OGDHL: variants seen among roughly 807,000 people sequenced by gnomAD.
OGDHL encodes 2-oxoglutarate dehydrogenase-like, mitochondrial.
OGDHL carries 79 observed loss-of-function variants against 109.6 expected under a neutral mutation model. The ratio of observed to expected loss-of-function variants is 0.72; its 90% confidence interval spans 0.60 to 0.87. The LOEUF is 0.87. OGDHL is among the 40% of genes least tolerant of loss of function. The probability of loss-of-function intolerance (pLI) is 0.00; values close to 1 mark genes in which losing one functional copy is unlikely to be tolerated. For synonymous variants in OGDHL, 528 were observed against 537.2 expected, an observed-to-expected ratio of 0.98 and a Z score of 0.24; for missense variants, 1,275 against 1,362.2, an observed-to-expected ratio of 0.94 and a Z score of 1.01.
intron 3 of OGDHL, among the ~76,000 whole-genome samples, chr10:49,753,883 C>T (rs955500054): frequency 3.7e-5 from 5 of 134,392 alleles, no homozygotes; most frequent in Admixed American, 7.6e-5. Context: ...AGGAGAAACT[C>T]CATCTAAAAA....
At chr10:49,745,216 G>T in intron 12 of OGDHL, 128 bp downstream of exon 12, 1 of 1,237,462 alleles carries the variant, frequency 8.1e-7, no homozygotes, top group Non-Finnish European at 1.1e-6. Context: ...GCCTCTTGGG[G>T]ACAAGGACCA....
Position 49,751,946 on chromosome 10 carries a change from C to CATG in OGDHL, c.627_629dup (p.Phe209_Met210insIle), listed in dbSNP as rs879129077. 5.0e-6 allele frequency: 8 copies of CATG among 1,614,084 alleles called. No individual in the cohort carries two copies. The African/African-American group carries it at 1.1e-4, about 22-fold the overall frequency. On this transcript the variant is annotated inframe_insertion, in exon 6 of 23. Coordinates refer to ENST00000374103, the MANE Select transcript of OGDHL (RefSeq NM_018245.3). Reference sequence around the variant, plus strand: ...GGCACTGCTCCACATCGTTGATGAACATGAACTCCAGGCCAATGTGCTGGC... The same window carrying CATG: ...GGCACTGCTCCACATCGTTGATGAACATGATGAACTCCAGGCCAATGTGCTGGC...
Position 49,756,786 on chromosome 10 carries a change from C to G in OGDHL, c.365G>C (p.Arg122Pro), listed in dbSNP as rs997500943. 13 of 1,612,708 alleles carry G rather than the reference C, an allele frequency of 8.1e-6. No individual in the cohort carries two copies. The highest frequency in any genetic ancestry group is 6.7e-5 in the East Asian group (3 of 44,868). ...TCAGCTGCCCCTCACCTGGTAGGCC[C>G]GGATCAGGGACTGCACAGCCAGGTG... is the stretch of plus-strand genomic sequence containing the variant. ...EDHLAVQSLI[R>P]AYQIRGHHVA... Residue 122 changes from arginine (R) to proline (P), a missense_variant, in exon 3 of 23, where the codon CGG (arginine) becomes CCG (proline). Physicochemically the swap from Arg to Pro is moderately radical, Grantham distance 103. Transcript: ENST00000374103.
At chr10:49,748,540 T>C (rs1017271033) in intron 8 of OGDHL, among the ~76,000 whole-genome samples, 1 of 152,142 alleles carries the variant, frequency 6.6e-6, no homozygotes, top group Non-Finnish European at 1.5e-5. Flanking sequence ...TGAAAAAAAA[T>C]AGTAATTTCA....
Position 49,759,341 on chromosome 10 carries a change from C to A in OGDHL, c.-1-748G>T, listed in dbSNP as rs1018484855. ...GAAGGCAGCCCCAGGCCCAGCCCAGCGCCACTCAAGACAGCTAACAGTCCA... is the reference window on the plus strand; with the variant it reads ...GAAGGCAGCCCCAGGCCCAGCCCAGAGCCACTCAAGACAGCTAACAGTCCA... On this transcript the variant is annotated intron_variant, in intron 1 of 22. Coordinates refer to ENST00000374103, the MANE Select transcript of OGDHL (RefSeq NM_018245.3). 3.3e-5 allele frequency among the ~76,000 whole-genome samples: 5 copies of A among 151,996 alleles called. No homozygotes were observed. In the East Asian group the frequency reaches 9.7e-4, roughly 29 times the overall value.
intron 7 of OGDHL, among the ~76,000 whole-genome samples, chr10:49,750,408 C>T (rs1386996121): frequency 1.3e-5 from 2 of 152,234 alleles, no homozygotes; most frequent in Non-Finnish European, 2.9e-5. Context: ...AGTCAGCTTG[C>T]AGCCAGGTCA....
intron 15 of OGDHL, among the ~76,000 whole-genome samples, chr10:49,741,891 CCA>C (rs1484435429): frequency 4.9e-5 from 7 of 143,764 alleles, no homozygotes; most frequent in African/African-American, 1.6e-4. Flanking sequence ...ACCACACACA[CCA>C]CACATACCAC....
Position 49,753,913 on chromosome 10 carries a change from G to A in OGDHL, c.376-1173C>T, listed in dbSNP as rs2377779. Among the ~76,000 whole-genome samples the A allele has an allele frequency of 5.9e-3, 634 of 108,092 alleles. 4 individuals are homozygous for A. Among genetic ancestry groups the A allele is most frequent in the African/African-American group, 0.015 (430 of 28,216 alleles). 70.9% of individuals were successfully genotyped at this position (108,092 alleles called of 152,430 possible). Reference sequence around the variant, plus strand: ...TAAAAAAAAAAAAAAAAAAAAAAAAGAACTGTTATTCTAAGATTGTTGCAT... The same window carrying A: ...TAAAAAAAAAAAAAAAAAAAAAAAAAAACTGTTATTCTAAGATTGTTGCAT... On this transcript the variant is annotated intron_variant, in intron 3 of 22. Transcript: ENST00000374103.
chr10:49,751,881 T>C lies in OGDHL; in HGVS notation c.695A>G (p.Gln232Arg), dbSNP rs1175006759. 5.6e-6 allele frequency: 9 copies of C among 1,614,168 alleles called. No homozygotes were observed. The African/African-American group carries it at 9.3e-5, about 17-fold the overall frequency. ...GGTCCGCTTCTCCTCGCTGGAGAACTGCATCACACCAGGGGTCTCAAACTT... is the reference window on the plus strand; with the variant it reads ...GGTCCGCTTCTCCTCGCTGGAGAACCGCATCACACCAGGGGTCTCAAACTT... ...RQKFETPGVM[Q>R]FSSEEKRTLL... Residue 232 changes from glutamine (Q) to arginine (R), a missense_variant, in exon 6 of 23, where the codon CAG becomes CGG. By Grantham distance (43) the Gln-to-Arg change is conservative. Transcript: ENST00000374103.
rs1842227739 is a variant in OGDHL, at chr10:49,746,887, C to T, written c.1168-9G>A. ...ACCAGGATGGACATGACCTGCAGGG[C>T]AGGTGTGAGCCAGGAGGGGCTGCGT... On this transcript the variant is annotated splice_polypyrimidine_tract_variant and intron_variant, in intron 9 of 22. Transcript: ENST00000374103. The T allele has an allele frequency of 2.5e-6, 4 of 1,613,918 alleles. No individual in the cohort carries two copies. The highest frequency in any genetic ancestry group is 1.7e-5 in the Admixed American group (1 of 60,000).
In OGDHL at chr10:49,736,507, C is replaced by G. The variant is rs1046995469; in HGVS notation, c.2604G>C (p.Gln868His). Residue 868 changes from glutamine to histidine, a missense_variant, in exon 21 of 23, where the codon CAG becomes CAC. Physicochemically the swap from Gln to His is conservative, Grantham distance 24. Transcript: ENST00000374103. ...CGGCCCCATCTTCAGGAATCACCCG[C>G]TGGAAGCTGGTCCCTGAGGGACCAA... ...FDQMVSGTSF[Q>H]RVIPEDGAAA... The G allele has an allele frequency of 6.2e-7, 1 of 1,613,360 alleles. No individual in the cohort carries two copies. The highest frequency in any genetic ancestry group is 1.7e-5 in the Admixed American group (1 of 60,020).
intron 2 of OGDHL, among the ~76,000 whole-genome samples, chr10:49,757,448 C>G (rs1164171220): frequency 6.6e-6 from 1 of 152,204 alleles, no homozygotes; most frequent in Non-Finnish European, 1.5e-5. Context: ...CCATGGAAAG[C>G]AACTTGGCAA....
chr10:49,747,726 C>T (rs552141766), intron 8 of OGDHL, among the ~76,000 whole-genome samples: 6 of 152,178 alleles, frequency 3.9e-5, no homozygotes, highest in African/African-American at 1.2e-4. Flanking sequence ...AGCAAACCCA[C>T]GCCCAGCGAT....
intron 13 of OGDHL, 75 bp from the exon 14 acceptor site, chr10:49,744,197 G>T: frequency 6.4e-7 from 1 of 1,557,262 alleles, no homozygotes; most frequent in Non-Finnish European, 8.7e-7. Flanking sequence ...TGCCTCCCCA[G>T]GACTGAGTGG....
chr10:49,738,369 A>G, intron 17 of OGDHL, 107 bp from the exon 18 acceptor site: 1 of 1,143,146 alleles, frequency 8.7e-7, no homozygotes, highest in Admixed American at 1.9e-5. Context: ...TTCTCAGCAG[A>G]GGTGCCCTCA....
rs921761839 is a variant in OGDHL at position 49,762,315 on chromosome 10, G to A, written c.-78C>T. On this transcript the variant is annotated 5_prime_UTR_variant, in exon 1 of 23. Coordinates refer to ENST00000374103, the MANE Select transcript of OGDHL (RefSeq NM_018245.3). Reference sequence around the variant, plus strand: ...AGGGGGCTGCGCGGAAGGGGTGCGCGCGCGCCGTGCCAATTACCTGGGTCA... The same window carrying A: ...AGGGGGCTGCGCGGAAGGGGTGCGCACGCGCCGTGCCAATTACCTGGGTCA... The A allele has an allele frequency of 6.6e-6, 1 of 152,136 alleles. No individual in the cohort carries two copies. Among genetic ancestry groups the A allele is most frequent in the African/African-American group, 2.4e-5 (1 of 41,450 alleles). 9.4% of individuals were successfully genotyped at this position (152,136 alleles called of 1,614,324 possible).
At position 49,742,992 on chromosome 10, in the gene OGDHL, G is replaced by A; in HGVS notation, c.1862-14C>T. The A allele has an allele frequency of 1.2e-6, 2 of 1,610,794 alleles. No individual in the cohort carries two copies. Among genetic ancestry groups the A allele is most frequent in the African/African-American group, 2.7e-5 (2 of 75,040 alleles). On this transcript the variant is annotated splice_polypyrimidine_tract_variant and intron_variant, in intron 14 of 22. Transcript: ENST00000374103. ...TGCGAGAGAGGCCTGTGGGAAAGGA[G>A]TGCTGGCCTGAGGGCCAAGGGACAG...
At chr10:49,737,027 C>T (rs1590673839) in intron 20 of OGDHL, among the ~76,000 whole-genome samples, 2 of 152,282 alleles carry the variant, frequency 1.3e-5, no homozygotes, top group East Asian at 3.9e-4. Flanking sequence ...ACGCACACTG[C>T]AAAACCTCTC....
intron 8 of OGDHL, among the ~76,000 whole-genome samples, chr10:49,748,907 T>C (rs1048121150): frequency 2.0e-5 from 3 of 152,042 alleles, no homozygotes; most frequent in African/African-American, 7.3e-5. Context: ...GGGCAGGACT[T>C]TGAAAGAGGC....
Sources: gnomAD v4.1 joint callset for allele counts (sites outside exome capture counted in the v4.1 genomes callset) on GRCh38, gnomAD v4.1.1 for gene constraint, MANE v1.5 for transcripts, NCBI Gene and HGNC (gene_info 2026-07-23, HGNC 2026-07-21) for gene names.